KANSL1L: variants seen among roughly 807,000 people sequenced by gnomAD.
KANSL1L encodes KAT8 regulatory NSL complex subunit 1 like.
KANSL1L carries 25 observed loss-of-function variants against 108.6 expected under a neutral mutation model. That is an observed-to-expected ratio of 0.23 (90% CI 0.17 to 0.32). The LOEUF (loss-of-function observed/expected upper bound fraction) is 0.32, where lower values mean the gene tolerates loss of function less well. Among genes scored for constraint, KANSL1L ranks in the 10% least tolerant of loss-of-function variants. The probability of loss-of-function intolerance (pLI) is 1.00; values close to 1 mark genes in which losing one functional copy is unlikely to be tolerated. For missense variants in KANSL1L, 1,137 were observed against 1,125.7 expected (o/e 1.01, Z -0.14); for synonymous variants, 405 against 395.1 (o/e 1.03, Z -0.30).
intron 5 of KANSL1L, among the ~76,000 whole-genome samples, chr2:210,091,442 T>A (rs2094692403): frequency 6.6e-6 from 1 of 152,198 alleles, no homozygotes; most frequent in South Asian, 2.1e-4. Context: ...ATTTATCTCA[T>A]GTTTAGCTTG....
At chr2:210,035,257 CCTTAAA>C (rs1333153978) in intron 8 of KANSL1L, 18 of 152,166 alleles carry the variant, frequency 1.2e-4, no homozygotes, top group Admixed American at 3.9e-4. Context: ...AAGTATAAAC[CCTTAAA>C]TTGGTTTTGT....
At chr2:210,094,722 T>C (rs1002728842) in intron 5 of KANSL1L, among the ~76,000 whole-genome samples, 2 of 152,076 alleles carry the variant, frequency 1.3e-5, no homozygotes, top group Non-Finnish European at 2.9e-5. Context: ...GTACTTATTT[T>C]ATAGAAAGTT....
chr2:210,023,314 C>G (rs1409600597), intron 14 of KANSL1L, 135 bp from the exon 15 acceptor site: 1 of 650,332 alleles, frequency 1.5e-6, no homozygotes, highest in African/African-American at 1.8e-5. Context: ...TTTTTCATTT[C>G]AACTTAAATA....
chr2:210,046,907 G>C (rs1043080720), intron 6 of KANSL1L, among the ~76,000 whole-genome samples: 1 of 152,178 alleles, frequency 6.6e-6, no homozygotes, highest in African/African-American at 2.4e-5. Flanking sequence ...AGGCCCACCA[G>C]AGCCACACTT....
intron 11 of KANSL1L, 119 bp downstream of exon 11, chr2:210,028,726 A>G: frequency 1.4e-6 from 1 of 725,380 alleles, no homozygotes; most frequent in Non-Finnish European, 2.2e-6. Context: ...TTTCCCCTCC[A>G]TGGCTATGAA....
chr2:210,103,475 T>TA (rs1182517476), intron 4 of KANSL1L, among the ~76,000 whole-genome samples: 4 of 151,442 alleles, frequency 2.6e-5, no homozygotes, highest in African/African-American at 7.3e-5. Flanking sequence ...ATAATAATAA[T>TA]AAAAAAAAGT....
At chr2:210,048,709 G>T (rs1266333569) in intron 6 of KANSL1L, among the ~76,000 whole-genome samples, 1 of 151,722 alleles carries the variant, frequency 6.6e-6, no homozygotes. Context: ...TCATCATGTG[G>T]CCTTAGTGTT....
chr2:210,171,495 C>G (rs552165517), upstream of KANSL1L: 1 of 154,438 alleles, frequency 6.5e-6, no homozygotes, highest in South Asian at 1.9e-4. Context: ...CGGGGAAACC[C>G]CGGCAGGGGG....
intron 9 of KANSL1L, 27 bp from the exon 10 acceptor site, chr2:210,029,945 T>TA (rs756103845): frequency 8.6e-7 from 1 of 1,160,410 alleles, no homozygotes; most frequent in Non-Finnish European, 1.3e-6. Context: ...CATTGAATGT[T>TA]ACACATTAAA....
chr2:210,027,468 GT>G (rs2093953905), intron 11 of KANSL1L, 118 bp from the exon 12 acceptor site: 3 of 651,390 alleles, frequency 4.6e-6, no homozygotes, highest in Non-Finnish European at 8.3e-6. Flanking sequence ...TCAAATTGTT[GT>G]ATTTTAATAC....
At chr2:210,023,342 ATATTGAGAATTGTTGAGTGAC>A (rs962703919) in intron 14 of KANSL1L, among the ~76,000 whole-genome samples, 163 bp from the exon 15 acceptor site, 1 of 152,198 alleles carries the variant, frequency 6.6e-6, no homozygotes, top group Non-Finnish European at 1.5e-5. Flanking sequence ...AAAATGGAAT[ATATTGAGAATTGTTGAGTGAC>A]TTTTGGGATT....
At chr2:210,024,361 A>G (rs1461574840) in intron 13 of KANSL1L, among the ~76,000 whole-genome samples, 160 bp from the exon 14 acceptor site, 1 of 142,096 alleles carries the variant, frequency 7.0e-6, no homozygotes, top group Non-Finnish European at 1.6e-5. Context: ...TATTATTTTC[A>G]TACTCAGAGG....
At chr2:210,026,740 A>G (rs745863258) in intron 12 of KANSL1L, among the ~76,000 whole-genome samples, 2 of 152,174 alleles carry the variant, frequency 1.3e-5, no homozygotes, top group African/African-American at 4.8e-5. Flanking sequence ...CAGTATCTCA[A>G]AAACTCATAA....
At chr2:210,037,487 T>C (rs1207599474) in intron 8 of KANSL1L, among the ~76,000 whole-genome samples, 1 of 152,214 alleles carries the variant, frequency 6.6e-6, no homozygotes, top group Non-Finnish European at 1.5e-5. Flanking sequence ...TTTTTCTGTA[T>C]TTCTTTAGGC....
At chr2:210,023,237 C>G in intron 14 of KANSL1L, 58 bp from the exon 15 acceptor site, 1 of 1,203,244 alleles carries the variant, frequency 8.3e-7, no homozygotes, top group Non-Finnish European at 1.2e-6. Flanking sequence ...TTAAATTCAT[C>G]TAACAAGTAA....
chr2:210,165,711 G>T (rs1687913015), intron 1 of KANSL1L, among the ~76,000 whole-genome samples: 1 of 152,126 alleles, frequency 6.6e-6, no homozygotes, highest in Non-Finnish European at 1.5e-5. Flanking sequence ...CTAATTTTGG[G>T]TCTACAATTT....
At chr2:210,113,891 T>G (rs1262153718) in intron 3 of KANSL1L, among the ~76,000 whole-genome samples, 2 of 151,858 alleles carry the variant, frequency 1.3e-5, no homozygotes, top group Non-Finnish European at 2.9e-5. Context: ...GTGCAAAGCA[T>G]AAAAAGAAAA....
intron 6 of KANSL1L, among the ~76,000 whole-genome samples, chr2:210,061,239 C>T (rs1033613215): frequency 1.3e-5 from 2 of 152,046 alleles, no homozygotes; most frequent in African/African-American, 4.8e-5. Context: ...TTTGTATGTC[C>T]AATTACCTAC....
chr2:210,116,187 G>C (rs2094952221), intron 3 of KANSL1L, among the ~76,000 whole-genome samples: 1 of 152,194 alleles, frequency 6.6e-6, no homozygotes, highest in African/African-American at 2.4e-5. Context: ...GTGGCCATGG[G>C]AAGGGACTGC....
Sources: allele counts gnomAD v4.1 joint callset (sites outside exome capture counted in the v4.1 genomes callset), GRCh38; gene constraint gnomAD v4.1.1; transcripts MANE v1.5; gene names NCBI Gene and HGNC (gene_info 2026-07-23, HGNC 2026-07-21).